The following FER variants were observed in gnomAD, a reference collection of about 807,000 sequenced individuals.
FER encodes tyrosine-protein kinase Fer.
FER carries 63 observed loss-of-function variants against 111.0 expected under a neutral mutation model. The observed-to-expected ratio is 0.57, with a 90% CI of 0.46 to 0.70. FER has a LOEUF of 0.70. Ranked by LOEUF, FER falls within the 30% of genes least tolerant of loss-of-function variation. The pLI is 0.00. For missense variants in FER, 914 were observed against 954.0 expected, an observed-to-expected ratio of 0.96 and a Z score of 0.55; for synonymous variants, 327 against 313.9, an observed-to-expected ratio of 1.04 and a Z score of -0.44.
At chr5:109,063,453 A>C (rs1400299377) in intron 16 of FER, among the ~76,000 whole-genome samples, 1 of 152,200 alleles carries the variant, frequency 6.6e-6, no homozygotes. Flanking sequence ...CTTGTGATAA[A>C]TGTAGAAAGG....
intron 5 of FER, 154 bp downstream of exon 5, chr5:108,835,961 G>C (rs781070540): frequency 2.4e-6 from 1 of 420,840 alleles, no homozygotes; most frequent in African/African-American, 2.1e-5. Flanking sequence ...AAACAGTGTA[G>C]TAAGTCTTAC....
At chr5:109,028,625 C>T (rs1358988087) in intron 13 of FER, among the ~76,000 whole-genome samples, 5 of 152,132 alleles carry the variant, frequency 3.3e-5, no homozygotes, top group Admixed American at 1.3e-4. Flanking sequence ...TTGATGGTGT[C>T]ACTAACACCC....
chr5:108,962,580 C>A (rs1759284277), intron 13 of FER, among the ~76,000 whole-genome samples: 1 of 152,114 alleles, frequency 6.6e-6, no homozygotes, highest in African/African-American at 2.4e-5. Context: ...AGTGTATTTC[C>A]AGTGTCTCGA....
chr5:108,865,109 T>C (rs28848192), intron 5 of FER, among the ~76,000 whole-genome samples: 3,244 of 152,260 alleles, frequency 0.021, 102 homozygotes, highest in African/African-American at 0.075. Context: ...TATTTTATTC[T>C]CTTTGAAGCA....
intron 16 of FER, among the ~76,000 whole-genome samples, chr5:109,099,932 T>C (rs375240006): frequency 5.9e-5 from 9 of 151,716 alleles, no homozygotes; most frequent in African/African-American, 2.2e-4. Flanking sequence ...TAGTCTAATT[T>C]TTTAAGCAAT....
At chr5:109,126,821 C>T (rs1313834806) in intron 17 of FER, among the ~76,000 whole-genome samples, 1 of 152,122 alleles carries the variant, frequency 6.6e-6, no homozygotes, top group Non-Finnish European at 1.5e-5. Context: ...GTGATAGAAC[C>T]AAACAAGGTA....
chr5:109,155,153 G>C (rs1308778973), intron 17 of FER, among the ~76,000 whole-genome samples: 1 of 151,848 alleles, frequency 6.6e-6, no homozygotes, highest in Non-Finnish European at 1.5e-5. Flanking sequence ...CCCTAAGGAA[G>C]CTAGGAAGTG....
At chr5:109,146,773 T>C (rs546807066) in intron 17 of FER, among the ~76,000 whole-genome samples, 1 of 152,194 alleles carries the variant, frequency 6.6e-6, no homozygotes, top group Admixed American at 6.5e-5. Context: ...CAGAGGTTAA[T>C]ATGTTGCTCC....
chr5:108,757,879 C>T (rs531085960), intron 1 of FER, among the ~76,000 whole-genome samples: 3 of 152,064 alleles, frequency 2.0e-5, no homozygotes, highest in Non-Finnish European at 4.4e-5. Context: ...TAGACCTTAC[C>T]TTGGTGGTTG....
intron 2 of FER, among the ~76,000 whole-genome samples, chr5:108,776,525 C>T (rs1480101436): frequency 6.6e-6 from 1 of 152,086 alleles, no homozygotes; most frequent in African/African-American, 2.4e-5. Context: ...AAACAGGAGA[C>T]ATTTTATACA....
At chr5:109,021,677 ATAAAG>A (rs1403302851) in intron 13 of FER, among the ~76,000 whole-genome samples, 3 of 152,094 alleles carry the variant, frequency 2.0e-5, no homozygotes, top group South Asian at 2.1e-4. Flanking sequence ...TCTCATTACT[ATAAAG>A]TAATTAATTT....
At chr5:108,766,349 C>G (rs897155544) in intron 1 of FER, among the ~76,000 whole-genome samples, 51 of 152,316 alleles carry the variant, frequency 3.3e-4, no homozygotes, top group Non-Finnish European at 4.4e-5. Context: ...AACCATAATT[C>G]ATTTTGGAAT....
intron 13 of FER, among the ~76,000 whole-genome samples, chr5:108,960,982 G>T (rs1759073581): frequency 6.6e-6 from 1 of 152,130 alleles, no homozygotes; most frequent in African/African-American, 2.4e-5. Flanking sequence ...CAGCTACTTG[G>T]GGGGCTGAGA....
chr5:108,993,750 G>A (rs780745862), intron 13 of FER, among the ~76,000 whole-genome samples: 14 of 152,170 alleles, frequency 9.2e-5, no homozygotes, highest in Non-Finnish European at 1.6e-4. Flanking sequence ...CCCACCAACA[G>A]TGTAAAAGCA....
At chr5:108,882,395 A>G (rs532755759) in intron 8 of FER, among the ~76,000 whole-genome samples, 5 of 152,120 alleles carry the variant, frequency 3.3e-5, no homozygotes, top group Middle Eastern at 3.4e-3. Context: ...AGTTATAATA[A>G]TGTCATATGC....
chr5:108,878,197 A>G (rs1268950626), intron 8 of FER, among the ~76,000 whole-genome samples: 2 of 152,156 alleles, frequency 1.3e-5, no homozygotes, highest in South Asian at 2.1e-4. Context: ...GGGAGCCAAC[A>G]TGCTGGGCTT....
chr5:108,900,729 C>A (rs1166839607), intron 10 of FER, among the ~76,000 whole-genome samples: 2 of 152,136 alleles, frequency 1.3e-5, no homozygotes, highest in Non-Finnish European at 2.9e-5. Context: ...CTTTAAGGAA[C>A]TGTACCATTG....
chr5:109,006,302 C>A (rs949923182), intron 13 of FER, among the ~76,000 whole-genome samples: 2 of 152,054 alleles, frequency 1.3e-5, no homozygotes, highest in Non-Finnish European at 2.9e-5. Flanking sequence ...AGGTATCTGG[C>A]GGAGGTAATG....
chr5:109,138,358 A>C (rs1753139553), intron 17 of FER, among the ~76,000 whole-genome samples: 1 of 152,182 alleles, frequency 6.6e-6, no homozygotes, highest in African/African-American at 2.4e-5. Context: ...AAAGGACACA[A>C]ACTTTGAGTT....
Sources: allele counts gnomAD v4.1 joint callset (sites outside exome capture counted in the v4.1 genomes callset), GRCh38; gene constraint gnomAD v4.1.1; transcripts MANE v1.5; gene names NCBI Gene and HGNC (gene_info 2026-07-23, HGNC 2026-07-21).